ABR: variants seen among roughly 807,000 people sequenced by gnomAD.
ABR encodes the protein ABR activator of RhoGEF and GTPase.
In ABR, 35 loss-of-function variants were observed where a neutral mutation model predicts 107.2. The ratio of observed to expected loss-of-function variants is 0.33; its 90% CI spans 0.25 to 0.43. The LOEUF (loss-of-function observed/expected upper bound fraction) is 0.43, where lower values mean the gene tolerates loss of function less well. Among genes scored for constraint, ABR ranks in the 20% least tolerant of loss-of-function variants. The pLI is 1.00. For synonymous variants in ABR, 498 were observed against 462.0 expected, an observed-to-expected ratio of 1.08 and a Z score of -1.00; for missense variants, 815 against 1,115.2, an observed-to-expected ratio of 0.73 and a Z score of 3.83.
chr17:1,174,072 C>T (rs1408543950), intron 1 of ABR, among the ~76,000 whole-genome samples: 1 of 152,254 alleles, frequency 6.6e-6, no homozygotes. Context: ...CCATCCTACT[C>T]GCAAGAGTGA....
intron 10 of ABR, among the ~76,000 whole-genome samples, chr17:1,059,889 CA>C (rs2033731806): frequency 6.6e-6 from 1 of 152,176 alleles, no homozygotes; most frequent in African/African-American, 2.4e-5. Context: ...TCACACACCG[CA>C]GGGGGAATGC....
chr17:1,147,135 A>G (rs2040588711), intron 1 of ABR, among the ~76,000 whole-genome samples: 2 of 152,224 alleles, frequency 1.3e-5, no homozygotes, highest in Non-Finnish European at 2.9e-5. Flanking sequence ...GACAAGTATC[A>G]TTTCACGGCT....
chr17:1,072,662 G>A lies in ABR; in HGVS notation c.846C>T (p.Asn282=), dbSNP rs200951137. 3 of 1,612,898 alleles carry A rather than the reference G, an allele frequency of 1.9e-6. No individual in the cohort carries two copies. Among genetic ancestry groups the A allele is most frequent in the South Asian group, 2.2e-5 (2 of 90,856 alleles). The part of the protein sequence containing the change: ...RISQNFLSSI[N]EDIDPRRTAV... ...CAGTCCGGCGGGGGTCGATGTCCTCGTTGATGCTGGACAGGAAGTTCTGGG... is the reference window on the plus strand; with the variant it reads ...CAGTCCGGCGGGGGTCGATGTCCTCATTGATGCTGGACAGGAAGTTCTGGG... The change falls in exon 8 of 23, where the codon AAC becomes AAT. Residue 282 remains asparagine (N), a synonymous_variant. Coordinates refer to ENST00000302538, the MANE Select transcript of ABR (RefSeq NM_021962.5).
intron 4 of ABR, among the ~76,000 whole-genome samples, chr17:1,088,840 T>C (rs112198985): frequency 1.3e-5 from 2 of 151,114 alleles, no homozygotes; most frequent in East Asian, 2.0e-4. Context: ...CCGCCCACCT[T>C]GGCCTCCCAA....
At chr17:1,125,452 CCCCGGCAGCCATGGCCCCGGCCGCACCAT>C in intron 1 of ABR, 85 bp from the exon 2 acceptor site, 1 of 1,532,102 alleles carries the variant, frequency 6.5e-7, no homozygotes. Flanking sequence ...CGGCGGCGGC[CCCCGGCAGCCATGGCCCCGGCCGCACCAT>C]CCACGCCTGG....
upstream of ABR, among the ~76,000 whole-genome samples, chr17:1,191,459 G>A (rs965346583): frequency 3.4e-5 from 5 of 145,152 alleles, no homozygotes; most frequent in South Asian, 4.5e-4. Context: ...CCGGGTTCAA[G>A]CGATTCTCCT....
At chr17:1,007,734 C>G (rs1415381863) in intron 21 of ABR, among the ~76,000 whole-genome samples, 1 of 152,248 alleles carries the variant, frequency 6.6e-6, no homozygotes, top group Non-Finnish European at 1.5e-5. Context: ...GGTTAAGTGA[C>G]TTGCCCAAGG....
intron 6 of ABR, chr17:1,079,079 G>A (rs1389189256): frequency 1.4e-6 from 2 of 1,434,224 alleles, no homozygotes; most frequent in Non-Finnish European, 1.8e-6. Flanking sequence ...GAGGGAGGGA[G>A]CCAGCAGCCT....
At chr17:1,188,203 G>C, upstream of ABR, among the ~76,000 whole-genome samples, 3 of 152,040 alleles carry the variant, frequency 2.0e-5, no homozygotes, top group South Asian at 6.2e-4. Flanking sequence ...GCGAGACCCT[G>C]TCTCAAAAAA....
intron 16 of ABR, among the ~76,000 whole-genome samples, chr17:1,045,193 A>G (rs974162219): frequency 1.3e-5 from 2 of 152,364 alleles, no homozygotes; most frequent in South Asian, 2.1e-4. Context: ...TTTCTTTCTC[A>G]TACAAACATT....
intron 6 of ABR, 95 bp downstream of exon 6, chr17:1,079,221 GCTCACACACACGCA>G: frequency 6.6e-7 from 1 of 1,511,570 alleles, no homozygotes; most frequent in Non-Finnish European, 8.9e-7. Flanking sequence ...GCTCACACGC[GCTCACACACACGCA>G]CACACAAGGG....
At chr17:1,195,096 A>G (rs1055947943) in intron 1 of ABR, among the ~76,000 whole-genome samples, 1 of 143,500 alleles carries the variant, frequency 7.0e-6, no homozygotes, top group East Asian at 2.5e-4. Context: ...TCACGAGGTC[A>G]GGAGATCGAG....
At chr17:1,079,614 C>A (rs554454760) in intron 5 of ABR, among the ~76,000 whole-genome samples, 9 of 151,972 alleles carry the variant, frequency 5.9e-5, no homozygotes, top group African/African-American at 2.2e-4. Flanking sequence ...CACGGTGAAA[C>A]CCCATCTCTA....
intron 18 of ABR, 136 bp downstream of exon 18, chr17:1,012,552 G>A (rs777870107): frequency 7.0e-5 from 51 of 726,420 alleles, no homozygotes; most frequent in East Asian, 5.7e-4. Flanking sequence ...GATCCACACC[G>A]GCCATCTGCC....
chr17:1,182,164 T>A (rs1333739531), upstream of ABR: 3 of 152,198 alleles, frequency 2.0e-5, no homozygotes, highest in Admixed American at 6.5e-5. Flanking sequence ...AAACTTCTGA[T>A]AACGAACACA....
intron 2 of ABR, among the ~76,000 whole-genome samples, chr17:1,114,876 C>T (rs2038912372): frequency 6.6e-6 from 1 of 152,122 alleles, no homozygotes; most frequent in Non-Finnish European, 1.5e-5. Context: ...CTGGTTCATG[C>T]ATTCATTCAG....
upstream of ABR, among the ~76,000 whole-genome samples, chr17:1,189,350 CTTTTT>C (rs202096936): frequency 7.3e-6 from 1 of 137,696 alleles, no homozygotes; most frequent in Admixed American, 7.3e-5. Flanking sequence ...CTATGGCTTC[CTTTTT>C]TTTTTTTTTT....
In ABR at chr17:1,011,372, G is replaced by A. The variant is rs777191730; in HGVS notation, c.2101+474C>T. 3 of 171,538 alleles carry A rather than the reference G, an allele frequency of 1.7e-5. No individual in the cohort carries two copies. Among genetic ancestry groups the A allele is most frequent in the Non-Finnish European group, 2.5e-5 (2 of 79,630 alleles). The allele number at this position is 171,538 out of a possible 1,614,324, so 10.6% of individuals were successfully genotyped here. On this transcript the variant is annotated intron_variant, in intron 19 of 22. Coordinates refer to ENST00000302538, the MANE Select transcript of ABR (RefSeq NM_021962.5). This position sits in a 1 kb window ranked among gnomAD's most constrained non-coding sequence, Gnocchi z 4.8. ...CCAGTGCAGGTTTCTTGACAGTGGG[G>A]TATGTGGCTGCTGCACCTGAACCAG...
intron 1 of ABR, among the ~76,000 whole-genome samples, chr17:1,126,751 ACCTTAGTGAATCCTGCC>A (rs1262014176): frequency 2.0e-5 from 3 of 152,100 alleles, no homozygotes; most frequent in Non-Finnish European, 4.4e-5. Context: ...GCCCCCTGGC[ACCTTAGTGAATCCTGCC>A]CCTTTGTCCT....
Sources: gnomAD v4.1 joint callset for allele counts (sites outside exome capture counted in the v4.1 genomes callset) on GRCh38, gnomAD v4.1.1 for gene constraint, Gnocchi (gnomAD v3.1) non-coding constraint, MANE v1.5 for transcripts, NCBI Gene and HGNC (gene_info 2026-07-23, HGNC 2026-07-21) for gene names.